Variants in SH3GL3 observed in about 807,000 individuals in gnomAD.
The protein encoded by SH3GL3 is endophilin-A3.
In SH3GL3, 33 loss-of-function variants were observed where a neutral mutation model predicts 47.7. The observed-to-expected ratio is 0.69, with a 90% CI of 0.52 to 0.92. The LOEUF (loss-of-function observed/expected upper bound fraction) is 0.92. SH3GL3 is among the 40% of genes least tolerant of loss of function. SH3GL3 has a pLI of 0.00. For synonymous variants in SH3GL3, 155 were observed against 148.8 expected (o/e 1.04, Z -0.30); for missense variants, 363 against 417.8 (o/e 0.87, Z 1.14).
chr15:83,559,860 A>C (rs1343924377), intron 2 of SH3GL3, among the ~76,000 whole-genome samples: 1 of 152,202 alleles, frequency 6.6e-6, no homozygotes, highest in Non-Finnish European at 1.5e-5. Flanking sequence ...TGCTTGTCTC[A>C]CATGGATTTT....
In SH3GL3 at chr15:83,463,767, C is replaced by CTTT. The variant is rs910419812; in HGVS notation, c.45+16206_45+16208dup. 1.3e-3 allele frequency among the ~76,000 whole-genome samples: 161 copies of CTTT among 122,908 alleles called. 6 individuals are homozygous for CTTT. In the East Asian group the frequency reaches 0.023, roughly 17 times the overall value. The allele number at this position is 122,908 out of a possible 152,430, so 80.6% of individuals were successfully genotyped here. On this transcript the variant is annotated intron_variant, in intron 1 of 8. Transcript: ENST00000427482. ...TGTCCCATGTCTGCTTTCTTTCTTT[C>CTTT]TTTTTTTTTTTTTTTTTTTGAGACA...
chr15:83,459,114 G>A (rs375070928), intron 1 of SH3GL3, among the ~76,000 whole-genome samples: 1 of 152,218 alleles, frequency 6.6e-6, no homozygotes, highest in Non-Finnish European at 1.5e-5. Context: ...TCCAATGTTC[G>A]AGGGCAGGAA....
intron 1 of SH3GL3, among the ~76,000 whole-genome samples, chr15:83,489,837 C>CAATA (rs1274347478): frequency 6.9e-6 from 1 of 144,642 alleles, no homozygotes; most frequent in Non-Finnish European, 1.5e-5. Context: ...TGTCAGAAGC[C>CAATA]GATAGATAGA....
At chr15:83,512,403 C>A (rs937859825) in intron 1 of SH3GL3, among the ~76,000 whole-genome samples, 1 of 152,110 alleles carries the variant, frequency 6.6e-6, no homozygotes, top group African/African-American at 2.4e-5. Context: ...GTTTTCATTT[C>A]GAAACTACTC....
intron 1 of SH3GL3, among the ~76,000 whole-genome samples, chr15:83,508,643 T>A (rs1325666311): frequency 6.6e-6 from 1 of 152,038 alleles, no homozygotes; most frequent in Non-Finnish European, 1.5e-5. Flanking sequence ...AGTGGCACGA[T>A]CTCAGCTCAC....
chr15:83,625,683 G>A, the SH3GL3 span, among the ~76,000 whole-genome samples: 1 of 151,750 alleles, frequency 6.6e-6, no homozygotes, highest in East Asian at 1.9e-4. Flanking sequence ...TTTATTTTAA[G>A]TCATTTTATT....
intron 1 of SH3GL3, among the ~76,000 whole-genome samples, chr15:83,459,044 G>T (rs1023652320): frequency 6.6e-6 from 1 of 152,156 alleles, no homozygotes; most frequent in African/African-American, 2.4e-5. Flanking sequence ...CCGAAGGCCC[G>T]AGAGCCCCTG....
chr15:83,500,444 A>G (rs1391652262), intron 1 of SH3GL3, among the ~76,000 whole-genome samples: 6 of 152,206 alleles, frequency 3.9e-5, no homozygotes, highest in South Asian at 4.1e-4. Flanking sequence ...GAGTTCATCA[A>G]TGAAGCCCTG....
chr15:83,595,925 A>C (rs1402399714), intron 8 of SH3GL3, among the ~76,000 whole-genome samples: 1 of 151,972 alleles, frequency 6.6e-6, no homozygotes, highest in Non-Finnish European at 1.5e-5. Context: ...AATTTTATTG[A>C]TCTTAAAGAG....
chr15:83,617,619 T>G (rs959009993), intron 8 of SH3GL3, among the ~76,000 whole-genome samples: 2 of 152,112 alleles, frequency 1.3e-5, no homozygotes, highest in Admixed American at 6.6e-5. Flanking sequence ...GAGGTTACAG[T>G]AAGCCAGGAT....
chr15:83,488,690 C>T (rs1357941414), intron 1 of SH3GL3, among the ~76,000 whole-genome samples: 1 of 152,202 alleles, frequency 6.6e-6, no homozygotes, highest in Non-Finnish European at 1.5e-5. Flanking sequence ...AGGGTGTGCT[C>T]CCTTCCATGT....
At chr15:83,461,951 T>C (rs2040320384) in intron 1 of SH3GL3, among the ~76,000 whole-genome samples, 2 of 152,226 alleles carry the variant, frequency 1.3e-5, no homozygotes, top group South Asian at 4.1e-4. Context: ...TTTATTAGAT[T>C]GTAGTCTTGT....
At chr15:83,623,054 C>T (rs1447946847), downstream of SH3GL3, among the ~76,000 whole-genome samples, 2 of 152,216 alleles carry the variant, frequency 1.3e-5, no homozygotes, top group Non-Finnish European at 2.9e-5. Context: ...TCTGCTATTT[C>T]CCCCAGACTA....
intron 6 of SH3GL3, among the ~76,000 whole-genome samples, chr15:83,582,044 T>C (rs1014671548): frequency 6.6e-6 from 1 of 152,222 alleles, no homozygotes; most frequent in Non-Finnish European, 1.5e-5. Context: ...AGCCCTCCTC[T>C]TGGAGGAAAG....
At chr15:83,573,637 G>T (rs1447843484) in intron 5 of SH3GL3, among the ~76,000 whole-genome samples, 2 of 152,212 alleles carry the variant, frequency 1.3e-5, no homozygotes, top group Non-Finnish European at 1.5e-5. Flanking sequence ...CAGAGATGAG[G>T]CTGGTGGGAT....
intron 1 of SH3GL3, among the ~76,000 whole-genome samples, chr15:83,542,318 CCATTGGT>C (rs1387711757): frequency 6.6e-6 from 1 of 151,996 alleles, no homozygotes; most frequent in Non-Finnish European, 1.5e-5. Flanking sequence ...TTGTTTTGTT[CCATTGGT>C]CTGTGTGTCT....
At chr15:83,562,032 CACA>C (rs2045306352) in intron 2 of SH3GL3, among the ~76,000 whole-genome samples, 1 of 16,462 alleles carries the variant, frequency 6.1e-5, no homozygotes, top group East Asian at 7.3e-4. Flanking sequence ...ACACACACAA[CACA>C]CACACACACA....
intron 6 of SH3GL3, among the ~76,000 whole-genome samples, chr15:83,583,522 C>T (rs1233938232): frequency 2.0e-5 from 3 of 152,120 alleles, no homozygotes; most frequent in Non-Finnish European, 4.4e-5. Flanking sequence ...TGCAAGTGTC[C>T]CTGGGGTTTC....
chr15:83,611,233 C>T (rs1377478423), intron 8 of SH3GL3, among the ~76,000 whole-genome samples: 2 of 149,464 alleles, frequency 1.3e-5, no homozygotes, highest in African/African-American at 5.0e-5. Flanking sequence ...GTCTTAAACT[C>T]TTGTGGTAGG....
Sources: allele counts gnomAD v4.1 joint callset (sites outside exome capture counted in the v4.1 genomes callset), GRCh38; gene constraint gnomAD v4.1.1; transcripts MANE v1.5; gene names NCBI Gene and HGNC (gene_info 2026-07-23, HGNC 2026-07-21).